The following RPH3AL variants were observed in gnomAD, a reference collection of about 807,000 sequenced individuals.
RPH3AL encodes rab effector Noc2.
In RPH3AL, 38 loss-of-function variants were observed where a neutral mutation model predicts 43.1. The ratio of observed to expected loss-of-function variants is 0.88; its 90% CI spans 0.68 to 1.15. RPH3AL has a LOEUF of 1.15. Among genes scored for constraint, RPH3AL ranks in the 50% most tolerant of loss-of-function variants. The pLI, the probability that RPH3AL is intolerant of heterozygous loss-of-function variation, is 0.00. For synonymous variants in RPH3AL, 189 were observed against 176.3 expected (o/e 1.07, Z -0.57); for missense variants, 462 against 423.2 (o/e 1.09, Z -0.81).
chr17:215,600 G>T lies in RPH3AL; in HGVS notation c.876+54C>A. ...TCCAGTTTGGGAGGAGTGAGTGAGA[G>T]AGGACACGGCCGCGGGGGCAGGAGA... On this transcript the variant is annotated intron_variant, in intron 9 of 9. Transcript: ENST00000331302. This position sits in a 1 kb window ranked among gnomAD's most constrained non-coding sequence, Gnocchi z 4.1. The T allele has an allele frequency of 8.0e-7, 1 of 1,247,928 alleles. No homozygotes were observed. The highest frequency in any genetic ancestry group is 3.2e-5 in the East Asian group (1 of 31,724). 77.3% of individuals were successfully genotyped at this position (1,247,928 alleles called of 1,614,324 possible).
chr17:314,908 C>A (rs866975700), intron 5 of RPH3AL, among the ~76,000 whole-genome samples: 13 of 120,946 alleles, frequency 1.1e-4, no homozygotes, highest in East Asian at 4.9e-4. Context: ...CCTCCATTGA[C>A]CAGTAGTCCC....
intron 6 of RPH3AL, among the ~76,000 whole-genome samples, chr17:278,358 T>TAC (rs2042706528): frequency 6.6e-6 from 1 of 152,204 alleles, no homozygotes; most frequent in Non-Finnish European, 1.5e-5. Flanking sequence ...TTCCCTTTAG[T>TAC]ACCCAGTCTC....
chr17:243,930 C>T (rs867009905), intron 7 of RPH3AL, among the ~76,000 whole-genome samples: 1,074 of 130,680 alleles, frequency 8.2e-3, no homozygotes, highest in African/African-American at 0.017. Flanking sequence ...CCTTCCTCTA[C>T]TGATTACCCT....
chr17:316,932 C>T (rs1210121356), intron 5 of RPH3AL, among the ~76,000 whole-genome samples: 2 of 84,098 alleles, frequency 2.4e-5, no homozygotes, highest in Non-Finnish European at 4.9e-5. Context: ...AGTCTCTGTG[C>T]TCCACCTCCA....
intron 7 of RPH3AL, among the ~76,000 whole-genome samples, chr17:231,431 G>A (rs192932645): frequency 3.3e-4 from 51 of 152,348 alleles, no homozygotes; most frequent in Admixed American, 1.1e-3. Flanking sequence ...GACCACCAGC[G>A]GGAAATCAGC....
intron 5 of RPH3AL, among the ~76,000 whole-genome samples, chr17:315,883 C>T (rs1296332667): frequency 6.8e-6 from 1 of 148,070 alleles, no homozygotes; most frequent in Admixed American, 6.9e-5. Flanking sequence ...CCTCCATTGA[C>T]CTGTAGTCCC....
intron 1 of RPH3AL, among the ~76,000 whole-genome samples, chr17:340,561 C>G (rs2045090956): frequency 1.9e-3 from 5 of 2,628 alleles, no homozygotes; most frequent in Admixed American, 7.1e-3. Context: ...CCCACCCAGG[C>G]CTCCCCACAT....
chr17:259,914 T>G (rs1234066361), intron 6 of RPH3AL, among the ~76,000 whole-genome samples: 4 of 152,214 alleles, frequency 2.6e-5, no homozygotes, highest in African/African-American at 9.6e-5. Context: ...CCTAAATGGT[T>G]GTGGCTGGAG....
Position 246,269 on chromosome 17 carries a change from C to T in RPH3AL, c.613+842G>A, listed in dbSNP as rs1373407892. Among the ~76,000 whole-genome samples the T allele has an allele frequency of 2.0e-5, 3 of 152,174 alleles. No homozygotes were observed. Among genetic ancestry groups the T allele is most frequent in the South Asian group, 2.1e-4 (1 of 4,822 alleles). On this transcript the variant is annotated intron_variant, in intron 7 of 9. Transcript: ENST00000331302. The surrounding 1 kb of genome is among the most constrained non-coding windows in gnomAD (Gnocchi z 4.8). ...CCTCCAAGACGAGCCATGATCCGAA[C>T]GAGCCTCCCTCACCCCTCTGCCTGC...
chr17:299,069 G>A (rs992596024), intron 5 of RPH3AL, among the ~76,000 whole-genome samples: 19 of 151,736 alleles, frequency 1.3e-4, no homozygotes, highest in African/African-American at 3.4e-4. Context: ...GCTTCGGGGG[G>A]AGGGAGGGGG....
chr17:227,048 G>A (rs946937981), intron 7 of RPH3AL, among the ~76,000 whole-genome samples: 8 of 152,322 alleles, frequency 5.3e-5, no homozygotes, highest in Admixed American at 2.0e-4. Flanking sequence ...GGAGTCACCC[G>A]GGTGCCGCCG....
chr17:284,211 C>T (rs187828637), intron 5 of RPH3AL, among the ~76,000 whole-genome samples: 12 of 152,250 alleles, frequency 7.9e-5, no homozygotes, highest in Non-Finnish European at 1.8e-4. Context: ...GTTATCGGAC[C>T]GGGCCAGAGT....
Position 283,980 on chromosome 17 carries a change from T to C in RPH3AL, c.352-2126A>G, listed in dbSNP as rs1461594946. ...AAGCACTGATGCTACTTAGCTCTGT[T>C]TTCCTTGCGAATTCCCACCATCCCT... On this transcript the variant is annotated intron_variant, in intron 5 of 9. Transcript: ENST00000331302. This position sits in a 1 kb window ranked among gnomAD's most constrained non-coding sequence, Gnocchi z 4.2. Among the ~76,000 whole-genome samples the C allele has an allele frequency of 6.6e-6, 1 of 152,180 alleles. No individual in the cohort carries two copies. The highest frequency in any genetic ancestry group is 2.4e-5 in the African/African-American group (1 of 41,432).
chr17:269,778 A>G (rs2042418530), intron 6 of RPH3AL, among the ~76,000 whole-genome samples: 1 of 152,182 alleles, frequency 6.6e-6, no homozygotes, highest in Admixed American at 6.5e-5. Context: ...GAACTCACGG[A>G]CTGGAGCACT....
chr17:258,410 C>T (rs1429101327), intron 6 of RPH3AL, among the ~76,000 whole-genome samples: 3 of 152,192 alleles, frequency 2.0e-5, no homozygotes, highest in African/African-American at 7.2e-5. Flanking sequence ...GGGTGTTTCA[C>T]TCAAGTTCCT....
chr17:236,005 G>GT (rs2041384628), intron 7 of RPH3AL, among the ~76,000 whole-genome samples: 1 of 104,388 alleles, frequency 9.6e-6, no homozygotes, highest in Non-Finnish European at 2.1e-5. Flanking sequence ...GGGTCCATGG[G>GT]TCAAAGCTGG....
intron 2 of RPH3AL, among the ~76,000 whole-genome samples, chr17:330,134 C>A (rs1381139584): frequency 6.6e-6 from 1 of 152,224 alleles, no homozygotes; most frequent in African/African-American, 2.4e-5. Context: ...TCTATGATGA[C>A]CAGCAGAGGT....
At chr17:311,393 C>G (rs1487161382) in intron 5 of RPH3AL, among the ~76,000 whole-genome samples, 1 of 152,190 alleles carries the variant, frequency 6.6e-6, no homozygotes, top group Non-Finnish European at 1.5e-5. Context: ...GTGGTCTTCC[C>G]CTCCCCGGAT....
At position 346,997 on chromosome 17, in the gene RPH3AL, G is replaced by A. The variant is rs1406682006; in HGVS notation, c.-213+5715C>T. ...CAGCCGGCCAGGCGCGGTGGCTCAC[G>A]CCTGTAATCCCAGCACTTTGGGAGG... On this transcript the variant is annotated intron_variant, in intron 1 of 9. Coordinates refer to ENST00000331302, the MANE Select transcript of RPH3AL (RefSeq NM_006987.4). 1.5e-5 allele frequency among the ~76,000 whole-genome samples: 2 copies of A among 135,672 alleles called. 1 individual carries two copies. The highest frequency in any genetic ancestry group is 4.7e-4 in the East Asian group (2 of 4,234). The allele number at this position is 135,672 out of a possible 152,430, so 89.0% of individuals were successfully genotyped here.
Sources: allele counts gnomAD v4.1 joint callset (sites outside exome capture counted in the v4.1 genomes callset), GRCh38; gene constraint gnomAD v4.1.1; non-coding constraint Gnocchi (gnomAD v3.1); transcripts MANE v1.5; gene names NCBI Gene and HGNC (gene_info 2026-07-23, HGNC 2026-07-21).